IQGAP2: variants seen among roughly 807,000 people sequenced by gnomAD.
IQGAP2 encodes the protein ras GTPase-activating-like protein IQGAP2.
In IQGAP2, 173 loss-of-function variants were observed where a neutral mutation model predicts 201.3. The observed-to-expected ratio is 0.86, with a 90% confidence interval of 0.76 to 0.98. IQGAP2 has a LOEUF of 0.98. IQGAP2 is among the 50% of genes least tolerant of loss of function. The pLI is 0.00. For missense variants in IQGAP2, 1,687 were observed against 1,864.8 expected (o/e 0.90, Z 1.76); for synonymous variants, 675 against 673.9 (o/e 1.00, Z -0.03).
At chr5:76,629,014 T>C (rs1750479218) in intron 14 of IQGAP2, among the ~76,000 whole-genome samples, 1 of 152,222 alleles carries the variant, frequency 6.6e-6, no homozygotes, top group South Asian at 2.1e-4. Flanking sequence ...AATGTTCTTA[T>C]ATTCATTGTT....
intron 2 of IQGAP2, among the ~76,000 whole-genome samples, chr5:76,550,780 T>C (rs1743411643): frequency 6.6e-6 from 1 of 152,246 alleles, no homozygotes; most frequent in Non-Finnish European, 1.5e-5. Flanking sequence ...AACAATCTGA[T>C]CTCTCTTTCT....
intron 30 of IQGAP2, among the ~76,000 whole-genome samples, chr5:76,684,190 A>G (rs1302049145): frequency 6.6e-6 from 1 of 152,204 alleles, no homozygotes; most frequent in Non-Finnish European, 1.5e-5. Context: ...AACTCAGCTT[A>G]TGCAAGTCCT....
intron 13 of IQGAP2, chr5:76,618,054 CA>C: frequency 6.2e-7 from 1 of 1,614,072 alleles, no homozygotes; most frequent in Non-Finnish European, 8.5e-7. Context: ...AACTGTTGCC[CA>C]CACCAGTCCA....
chr5:76,597,172 T>C (rs1464821997), intron 9 of IQGAP2: 2 of 404,458 alleles, frequency 4.9e-6, no homozygotes, highest in East Asian at 9.1e-5. Context: ...AGGAAGGATT[T>C]TGGAAGGAAG....
chr5:76,670,163 G>A (rs1156468190), intron 23 of IQGAP2, among the ~76,000 whole-genome samples: 1 of 152,096 alleles, frequency 6.6e-6, no homozygotes, highest in Non-Finnish European at 1.5e-5. Flanking sequence ...TTATTCTTTT[G>A]TTTGGGCATT....
rs1744034360 is a variant in IQGAP2 at position 76,668,855 on chromosome 5, A to T, written c.2843+11A>T. 1 of 1,519,794 alleles carries T rather than the reference A, an allele frequency of 6.6e-7. No homozygotes were observed. Among genetic ancestry groups the T allele is most frequent in the African/African-American group, 1.4e-5 (1 of 71,828 alleles). The allele number at this position is 1,519,794 out of a possible 1,614,324, so 94.1% of individuals were successfully genotyped here. On this transcript the variant is annotated intron_variant, in intron 23 of 35. Transcript: ENST00000274364. ...GGAGGAAGAAATAAAGTATGTATAC[A>T]AATATGTATGTAAAAATACCAGTGA...
At position 76,606,184 on chromosome 5, in the gene IQGAP2, C is replaced by T. The variant is rs754297726; in HGVS notation, c.1238C>T (p.Ala413Val). Residue 413 changes from alanine (A) to valine (V), a missense_variant, in exon 12 of 36, where the codon GCA becomes GTA. Transcript: ENST00000274364. Reference protein sequence around the residue: ...NLDKAYVERYANTLLSVKLEV... With the variant: ...NLDKAYVERYVNTLLSVKLEV... ...GATTATTTTCTCTTCCACAGTTATG[C>T]AAACACACTACTCTCTGTTAAACTA... The T allele has an allele frequency of 4.4e-6, 7 of 1,592,624 alleles. No homozygotes were observed. The African/African-American group carries it at 8.1e-5, about 18-fold the overall frequency.
At position 76,639,475 on chromosome 5, in the gene IQGAP2, A is replaced by G. The variant is rs564675600; in HGVS notation, c.1924-1458A>G. On this transcript the variant is annotated intron_variant, in intron 16 of 35. Transcript: ENST00000274364. Reference sequence around the variant, plus strand: ...TCCTAGGAGGAATACTCTTGAAGGAATATTCACCAACATTGCTTTGGATTT... The same window carrying G: ...TCCTAGGAGGAATACTCTTGAAGGAGTATTCACCAACATTGCTTTGGATTT... Among the ~76,000 whole-genome samples, 267 of 152,348 alleles carry G rather than the reference A, an allele frequency of 1.8e-3. 2 individuals carry two copies. Among genetic ancestry groups the G allele is most frequent in the South Asian group, 6.8e-3 (33 of 4,828 alleles).
intron 10 of IQGAP2, among the ~76,000 whole-genome samples, chr5:76,599,737 T>C (rs1747298328): frequency 6.6e-6 from 1 of 152,212 alleles, no homozygotes; most frequent in South Asian, 2.1e-4. Flanking sequence ...CATTTTAAGA[T>C]GAACATTATG....
At chr5:76,613,140 G>C (rs1034269255) in intron 13 of IQGAP2, among the ~76,000 whole-genome samples, 1 of 152,190 alleles carries the variant, frequency 6.6e-6, no homozygotes, top group Non-Finnish European at 1.5e-5. Context: ...AATGGGTGCT[G>C]TCTCATCTGA....
Position 76,611,025 on chromosome 5 carries a change from G to A in IQGAP2, c.1363G>A (p.Val455Ile). ...ACTACTTCTTCATTTTCTAGGAGTTGTAGCTGTAGGGTACATCAATGAAGC... is the reference window on the plus strand; with the variant it reads ...ACTACTTCTTCATTTTCTAGGAGTTATAGCTGTAGGGTACATCAATGAAGC... ...AQIQEENDRV[V>I]AVGYINEAID... Residue 455 changes from valine to isoleucine, a missense_variant, in exon 13 of 36, where the codon GTA becomes ATA. By Grantham distance (29) the Val-to-Ile change is conservative. Coordinates refer to ENST00000274364, the MANE Select transcript of IQGAP2 (RefSeq NM_006633.5). The A allele has an allele frequency of 1.2e-6, 2 of 1,607,244 alleles. No individual in the cohort carries two copies. Among genetic ancestry groups the A allele is most frequent in the Non-Finnish European group, 8.5e-7 (1 of 1,177,886 alleles).
chr5:76,631,389 G>A (rs1750693022), intron 14 of IQGAP2, among the ~76,000 whole-genome samples: 1 of 152,200 alleles, frequency 6.6e-6, no homozygotes, highest in East Asian at 1.9e-4. Context: ...CACTTGTTTA[G>A]GTTGTTTTTG....
At chr5:76,617,401 G>A in intron 13 of IQGAP2, 1 of 574,706 alleles carries the variant, frequency 1.7e-6, no homozygotes, top group Non-Finnish European at 3.0e-6. Context: ...GCCAGTCTGG[G>A]TGATAAAGTG....
chr5:76,597,243 C>T (rs1747096523), intron 9 of IQGAP2, 196 bp from the exon 10 acceptor site: 6 of 591,244 alleles, frequency 1.0e-5, no homozygotes, highest in Non-Finnish European at 1.5e-5. Flanking sequence ...TTCTTGTAGG[C>T]ACTAATTCCA....
At chr5:76,612,217 T>C (rs1240391971) in intron 13 of IQGAP2, among the ~76,000 whole-genome samples, 1 of 152,120 alleles carries the variant, frequency 6.6e-6, no homozygotes, top group African/African-American at 2.4e-5. Context: ...GCACAGTAGC[T>C]CACACCTGTA....
rs538367585 is a variant in IQGAP2, at chr5:76,453,295, T to C, written c.47-8275T>C. ...TGTGATGTAGTAAGTGCATGTTAAG[T>C]ATTAATCCTTTCTGTCTGTGTTTTT... On this transcript the variant is annotated intron_variant, in intron 1 of 35. Coordinates refer to ENST00000274364, the MANE Select transcript of IQGAP2 (RefSeq NM_006633.5). 2.6e-5 allele frequency among the ~76,000 whole-genome samples: 4 copies of C among 152,216 alleles called. No individual in the cohort carries two copies. The South Asian group carries it at 8.3e-4, about 32-fold the overall frequency.
At chr5:76,669,732 A>C (rs1744124150) in intron 23 of IQGAP2, among the ~76,000 whole-genome samples, 1 of 152,172 alleles carries the variant, frequency 6.6e-6, no homozygotes, top group Non-Finnish European at 1.5e-5. Flanking sequence ...AAGTGACTTA[A>C]TTACTAACTA....
At chr5:76,429,860 G>GACACACACACACACACACACAC (rs56031811) in intron 1 of IQGAP2, among the ~76,000 whole-genome samples, 1 of 144,630 alleles carries the variant, frequency 6.9e-6, no homozygotes, top group African/African-American at 2.6e-5. Flanking sequence ...AGGAGACACA[G>GACACACACACACACACACACAC]ACACACACAC....
At chr5:76,471,310 A>G (rs145561404) in intron 2 of IQGAP2, among the ~76,000 whole-genome samples, 1 of 151,328 alleles carries the variant, frequency 6.6e-6, no homozygotes, top group African/African-American at 2.4e-5. Context: ...GAAAATGCAC[A>G]GAAAACTTTT....
Sources: gnomAD v4.1 joint callset for allele counts (sites outside exome capture counted in the v4.1 genomes callset) on GRCh38, gnomAD v4.1.1 for gene constraint, MANE v1.5 for transcripts, NCBI Gene and HGNC (gene_info 2026-07-23, HGNC 2026-07-21) for gene names.